Variants in LTBP1 observed in about 807,000 individuals in gnomAD.
The protein encoded by LTBP1 is latent-transforming growth factor beta-binding protein 1.
Under a neutral mutation model 207.6 loss-of-function variants are expected in LTBP1, and 129 were observed. The ratio of observed to expected loss-of-function variants is 0.62; its 90% confidence interval spans 0.54 to 0.72. The LOEUF (loss-of-function observed/expected upper bound fraction) is 0.72, where lower values mean the gene tolerates loss of function less well. Among genes scored for constraint, LTBP1 ranks in the 30% least tolerant of loss-of-function variants. The pLI is 0.00. For synonymous variants in LTBP1, 963 were observed against 833.7 expected (o/e 1.16, Z -2.67); for missense variants, 2,281 against 2,217.2 (o/e 1.03, Z -0.58).
intron 5 of LTBP1, among the ~76,000 whole-genome samples, chr2:33,143,553 A>G (rs769504040): frequency 9.2e-5 from 14 of 152,228 alleles, no homozygotes; most frequent in Non-Finnish European, 1.8e-4. Flanking sequence ...CACAAGATGC[A>G]TGAAAAAGGA....
At chr2:33,229,488 G>T (rs2091662691) in intron 9 of LTBP1, among the ~76,000 whole-genome samples, 1 of 152,040 alleles carries the variant, frequency 6.6e-6, no homozygotes, top group African/African-American at 2.4e-5. Flanking sequence ...AAGAAAGAAG[G>T]AAGGGAGGAA....
At chr2:33,210,653 ACCCT>A (rs2090243611) in intron 7 of LTBP1, among the ~76,000 whole-genome samples, 1 of 151,894 alleles carries the variant, frequency 6.6e-6, no homozygotes, top group Non-Finnish European at 1.5e-5. Context: ...AATTTGGAAA[ACCCT>A]CCATGGTTTA....
rs1677976136 is a variant in LTBP1 at position 32,955,729 on chromosome 2, A to G, written c.565+6784A>G. ...CTCCCTGATGTGGTAGTTAAGTACAATGATTTATACATAAAGGAGAAACTA... is the reference window on the plus strand; with the variant it reads ...CTCCCTGATGTGGTAGTTAAGTACAGTGATTTATACATAAAGGAGAAACTA... On this transcript the variant is annotated intron_variant, in intron 2 of 33. Coordinates refer to ENST00000404816, the MANE Select transcript of LTBP1 (RefSeq NM_206943.4). 2.0e-5 allele frequency among the ~76,000 whole-genome samples: 3 copies of G among 152,298 alleles called. No individual in the cohort carries two copies. The South Asian group carries it at 6.2e-4, about 32-fold the overall frequency.
At chr2:32,992,365 C>T (rs1684548460) in intron 2 of LTBP1, among the ~76,000 whole-genome samples, 1 of 152,074 alleles carries the variant, frequency 6.6e-6, no homozygotes, top group Non-Finnish European at 1.5e-5. Context: ...GATATTTTTG[C>T]AGGTTGAGAC....
chr2:33,318,907 C>T (rs1363934643), intron 24 of LTBP1, among the ~76,000 whole-genome samples: 1 of 152,154 alleles, frequency 6.6e-6, no homozygotes, highest in Non-Finnish European at 1.5e-5. Flanking sequence ...CAAGCCTGGG[C>T]AACATAGCAA....
intron 23 of LTBP1, among the ~76,000 whole-genome samples, chr2:33,314,306 T>G (rs2094232169): frequency 6.6e-6 from 1 of 152,168 alleles, no homozygotes; most frequent in African/African-American, 2.4e-5. Flanking sequence ...TTGCGGCACT[T>G]TGGAAGGCGG....
At chr2:33,375,094 T>C (rs2095120175) in intron 31 of LTBP1, among the ~76,000 whole-genome samples, 1 of 152,236 alleles carries the variant, frequency 6.6e-6, no homozygotes, top group African/African-American at 2.4e-5. Context: ...TGAAAGTAGC[T>C]CTTTGATGTA....
intron 2 of LTBP1, among the ~76,000 whole-genome samples, chr2:32,958,115 C>A (rs534997517): frequency 6.6e-6 from 1 of 152,160 alleles, no homozygotes; most frequent in Admixed American, 6.5e-5. Flanking sequence ...AATTAGAATA[C>A]GGAGCTCCTA....
At chr2:33,052,037 G>C (rs937783235) in intron 3 of LTBP1, among the ~76,000 whole-genome samples, 7 of 152,232 alleles carry the variant, frequency 4.6e-5, no homozygotes, top group African/African-American at 1.7e-4. Context: ...AAGTTTTATA[G>C]TCATTGACTT....
chr2:33,138,183 T>A (rs2082294847), intron 5 of LTBP1, among the ~76,000 whole-genome samples: 1 of 152,226 alleles, frequency 6.6e-6, no homozygotes, highest in African/African-American at 2.4e-5. Flanking sequence ...GAGTCTGGGC[T>A]TTCCAGGTGT....
intron 8 of LTBP1, among the ~76,000 whole-genome samples, chr2:33,219,520 G>A (rs571873500): frequency 1.6e-4 from 24 of 152,092 alleles, no homozygotes; most frequent in African/African-American, 4.8e-4. Context: ...TACCTAAAAC[G>A]TTGAAGAGGC....
rs1268350026 is a variant in LTBP1, at chr2:33,389,200, G to C, written c.4728G>C (p.Leu1576=). The part of the protein sequence containing the change: ...PLKDSDDYAQ[L]CNIPVTGRRQ... ...ACTCCTTAGATGACTATGCTCAGCT[G>C]TGTAACATCCCCGTGACGGGACGCC... is the stretch of plus-strand genomic sequence containing the variant. The change falls in exon 32 of 34, where the codon CTG becomes CTC. Residue 1576 remains leucine, a synonymous_variant. Coordinates refer to ENST00000404816, the MANE Select transcript of LTBP1 (RefSeq NM_206943.4). 3 of 1,614,028 alleles carry C rather than the reference G, an allele frequency of 1.9e-6. No homozygotes were observed. The highest frequency in any genetic ancestry group is 2.5e-6 in the Non-Finnish European group (3 of 1,180,034).
At chr2:33,291,606 T>C (rs2093776438) in intron 19 of LTBP1, 1 of 152,192 alleles carries the variant, frequency 6.6e-6, no homozygotes. Flanking sequence ...AAGTGCTATT[T>C]TTGTTATCGT....
chr2:33,217,445 G>A (rs759917342), intron 7 of LTBP1, 107 bp from the exon 8 acceptor site: 162 of 611,364 alleles, frequency 2.6e-4, no homozygotes, highest in Non-Finnish European at 3.0e-4. Flanking sequence ...TAATTGTGTC[G>A]ATAACAAGGG....
intron 9 of LTBP1, among the ~76,000 whole-genome samples, chr2:33,232,772 AC>A (rs2091859797): frequency 6.6e-6 from 1 of 152,126 alleles, no homozygotes; most frequent in African/African-American, 2.4e-5. Flanking sequence ...ATATTCTTTA[AC>A]AGATCCTTTA....
At chr2:33,296,870 C>T (rs976766400) in intron 20 of LTBP1, among the ~76,000 whole-genome samples, 3 of 152,066 alleles carry the variant, frequency 2.0e-5, no homozygotes, top group African/African-American at 7.2e-5. Flanking sequence ...AATAATGGTA[C>T]CTGCTAGAGT....
intron 2 of LTBP1, among the ~76,000 whole-genome samples, chr2:32,977,198 C>T (rs1407443215): frequency 6.6e-6 from 1 of 152,228 alleles, no homozygotes; most frequent in East Asian, 1.9e-4. Context: ...CCCCTGCTGT[C>T]CAGGTGTTTC....
In LTBP1 at chr2:33,081,995, A is replaced by G. The variant is rs548709260; in HGVS notation, c.864-28587A>G. Among the ~76,000 whole-genome samples the G allele has an allele frequency of 5.9e-5, 9 of 152,216 alleles. No homozygotes were observed. In the South Asian group the frequency reaches 1.9e-3, roughly 32 times the overall value. ...GAGTCAATTAAACTTTTTTTCTTTTATAAATTACCCAGTCTTGGGTATGTC... is the reference window on the plus strand; with the variant it reads ...GAGTCAATTAAACTTTTTTTCTTTTGTAAATTACCCAGTCTTGGGTATGTC... On this transcript the variant is annotated intron_variant, in intron 3 of 33. Transcript: ENST00000404816.
intron 7 of LTBP1, among the ~76,000 whole-genome samples, chr2:33,189,932 CAGG>C (rs1327128978): frequency 1.3e-5 from 2 of 152,050 alleles, no homozygotes; most frequent in African/African-American, 4.8e-5. Flanking sequence ...GAGGCTGAGG[CAGG>C]AGAACCACTG....
Sources: allele counts gnomAD v4.1 joint callset (sites outside exome capture counted in the v4.1 genomes callset), GRCh38; gene constraint gnomAD v4.1.1; transcripts MANE v1.5; gene names NCBI Gene and HGNC (gene_info 2026-07-23, HGNC 2026-07-21).